The following CEP78 variants were observed in gnomAD, a reference collection of about 807,000 sequenced individuals.
CEP78 encodes centrosomal protein of 78 kDa.
Under a neutral mutation model 81.2 loss-of-function variants are expected in CEP78, and 76 were observed. That is an observed-to-expected ratio of 0.94 (90% CI 0.78 to 1.13). CEP78 has a LOEUF of 1.13. Ranked by LOEUF, CEP78 falls within the 50% of genes most tolerant of loss-of-function variation. CEP78 has a pLI of 0.00. For synonymous variants in CEP78, 293 were observed against 301.4 expected (o/e 0.97, Z 0.29); for missense variants, 918 against 846.8 (o/e 1.08, Z -1.04).
At chr9:78,240,400 G>C (rs1471282572) in intron 3 of CEP78, 36 bp downstream of exon 3, 1 of 1,514,910 alleles carries the variant, frequency 6.6e-7, no homozygotes, top group Non-Finnish European at 9.0e-7. Flanking sequence ...TGTCCTATCA[G>C]GCTGGTTTCA....
rs2118533866 is a variant in CEP78 at position 78,272,177 on chromosome 9, C to T, written c.*1326C>T. On this transcript the variant is annotated 3_prime_UTR_variant, in exon 17 of 17. Transcript: ENST00000643273. ...AGGTGATTCACCCACCTCGGCCTCC[C>T]AAAGTGCTGGGATTACAGGCATGAG... The T allele has an allele frequency of 6.6e-6, 1 of 152,444 alleles. No individual in the cohort carries two copies. The highest frequency in any genetic ancestry group is 1.9e-4 in the East Asian group (1 of 5,174). 9.4% of individuals were successfully genotyped at this position (152,444 alleles called of 1,614,324 possible).
At chr9:78,247,213 T>A (rs1425478884) in intron 6 of CEP78, among the ~76,000 whole-genome samples, 2 of 152,208 alleles carry the variant, frequency 1.3e-5, no homozygotes, top group Non-Finnish European at 2.9e-5. Flanking sequence ...TTATACGTAA[T>A]GTAATTTAGA....
chr9:78,245,943 G>GGAATTT (rs1211558128), intron 5 of CEP78, among the ~76,000 whole-genome samples: 1 of 151,948 alleles, frequency 6.6e-6, no homozygotes, highest in African/African-American at 2.4e-5. Context: ...AGAGTCACTT[G>GGAATTT]GAATTTGAAT....
At chr9:78,255,721 A>G (rs1393385740) in intron 11 of CEP78, among the ~76,000 whole-genome samples, 1 of 152,212 alleles carries the variant, frequency 6.6e-6, no homozygotes, top group Non-Finnish European at 1.5e-5. Flanking sequence ...TATTAGAGGG[A>G]AAAATCTATA....
At chr9:78,266,367 AT>A (rs1395574387) in intron 15 of CEP78, 74 bp from the exon 16 acceptor site, 1 of 1,086,742 alleles carries the variant, frequency 9.2e-7, no homozygotes, top group African/African-American at 1.6e-5. Context: ...ACAGAATAAC[AT>A]TGACGTTTTG....
rs1261390095 is a variant in CEP78 at position 78,237,881 on chromosome 9, G to T, written c.253+1278G>T. Among the ~76,000 whole-genome samples the T allele has an allele frequency of 3.3e-5, 5 of 150,662 alleles. No individual in the cohort carries two copies. In the Admixed American group the frequency reaches 3.3e-4, roughly 10 times the overall value. On this transcript the variant is annotated intron_variant, in intron 1 of 16. Transcript: ENST00000643273. The stretch of plus-strand genomic sequence containing the variant: ...CACTTTGGGAGGCCAAGGCGGGGGG[G>T]TGTGGATCACCTGAGGTCAGGAGTT...
At chr9:78,266,944 A>T (rs1335595650) in intron 16 of CEP78, 2 of 1,418,468 alleles carry the variant, frequency 1.4e-6, no homozygotes, top group Non-Finnish European at 1.8e-6. Context: ...TCTGAAAGTG[A>T]TACTCTTGGA....
At chr9:78,267,626 C>G (rs993699814) in intron 16 of CEP78, among the ~76,000 whole-genome samples, 1 of 152,082 alleles carries the variant, frequency 6.6e-6, no homozygotes, top group Non-Finnish European at 1.5e-5. Flanking sequence ...TCAACCAGAA[C>G]CCATACTTTA....
chr9:78,266,937 G>T (rs1053372636), intron 16 of CEP78: 1 of 1,422,948 alleles, frequency 7.0e-7, no homozygotes, highest in Non-Finnish European at 9.1e-7. Flanking sequence ...AGAACATTCT[G>T]AAAGTGATAC....
Position 78,253,271 on chromosome 9 carries a change from G to T in CEP78, c.1245G>T (p.Gln415His). 7.4e-7 allele frequency: 1 copy of T among 1,355,704 alleles called. No homozygotes were observed. The highest frequency in any genetic ancestry group is 1.0e-6 in the Non-Finnish European group (1 of 957,122). The allele number at this position is 1,355,704 out of a possible 1,614,324, so 84.0% of individuals were successfully genotyped here. A position where few individuals can be genotyped will look rare whatever the true frequency, so the allele number is the denominator to read the frequency against. Residue 415 changes from glutamine (Q) to histidine (H), a missense_variant, in exon 10 of 17, where the codon CAG (glutamine) becomes CAT (histidine). By Grantham distance (24) the Gln-to-His change is conservative (BLOSUM62 0). Transcript: ENST00000643273. The stretch of plus-strand genomic sequence containing the variant: ...TCAAAACACGTGATATATGTAATCA[G>T]TTGCAGGTACGTAGTTACCATGTTT... ...PLIKTRDICN[Q>H]LQQPGFPVTV...
At chr9:78,248,963 A>G (rs1412013600) in intron 8 of CEP78, 90 bp downstream of exon 8, 2 of 577,794 alleles carry the variant, frequency 3.5e-6, no homozygotes, top group Admixed American at 3.6e-5. Flanking sequence ...ATTGACAGTA[A>G]CAACCAATAT....
At chr9:78,268,422 T>C (rs888214910) in intron 16 of CEP78, among the ~76,000 whole-genome samples, 2 of 152,166 alleles carry the variant, frequency 1.3e-5, no homozygotes, top group Admixed American at 6.5e-5. Flanking sequence ...CCACGTTGCA[T>C]GGAGCTGGTT....
chr9:78,250,387 A>C, intron 8 of CEP78: 1 of 394,824 alleles, frequency 2.5e-6, no homozygotes. Context: ...AGAAGATAGG[A>C]AACTTTATAA....
chr9:78,260,458 A>G (rs969701642), intron 11 of CEP78, among the ~76,000 whole-genome samples: 4 of 152,200 alleles, frequency 2.6e-5, no homozygotes, highest in Admixed American at 6.5e-5. Context: ...CTGTAATCCC[A>G]GCACTTTGGG....
intron 14 of CEP78, 122 bp downstream of exon 14, chr9:78,265,665 G>T (rs1343923186): frequency 3.2e-6 from 3 of 950,726 alleles, no homozygotes; most frequent in Non-Finnish European, 4.7e-6. Flanking sequence ...CATCTTTGGG[G>T]TCCTTTCCAA....
intron 16 of CEP78, among the ~76,000 whole-genome samples, chr9:78,269,081 A>G (rs1411937684): frequency 6.6e-6 from 1 of 152,220 alleles, no homozygotes; most frequent in Admixed American, 6.5e-5. Context: ...CTTTTTTAAT[A>G]GGAGTGCCTA....
chr9:78,252,565 A>T (rs1330299695), intron 9 of CEP78, among the ~76,000 whole-genome samples: 1 of 152,222 alleles, frequency 6.6e-6, no homozygotes, highest in Non-Finnish European at 1.5e-5. Context: ...AAAGTCTTTT[A>T]AAAATGTTGT....
intron 1 of CEP78, among the ~76,000 whole-genome samples, chr9:78,237,983 G>A (rs1197524305): frequency 2.1e-5 from 3 of 144,894 alleles, no homozygotes. Context: ...AAATTAGCCG[G>A]GCGTGGTGGC....
rs995556630 is a variant in CEP78, at chr9:78,273,516, C to A, written c.*2665C>A. ...TGGGAGGCCGAGGTGGGTGGATCAC[C>A]TGAGGTCAGAAGTTCAAGACCAGCC... On this transcript the variant is annotated 3_prime_UTR_variant, in exon 17 of 17. Coordinates refer to ENST00000643273, the MANE Select transcript of CEP78 (RefSeq NM_001330691.3). 1.1e-4 allele frequency: 16 copies of A among 151,114 alleles called. No homozygotes were observed. The highest frequency in any genetic ancestry group is 3.9e-4 in the African/African-American group (16 of 40,990). The allele number at this position is 151,114 out of a possible 1,614,324, so 9.4% of individuals were successfully genotyped here. A position where few individuals can be genotyped will look rare whatever the true frequency, so the allele number is the denominator to read the frequency against.
Sources: allele counts gnomAD v4.1 joint callset (sites outside exome capture counted in the v4.1 genomes callset), GRCh38; gene constraint gnomAD v4.1.1; transcripts MANE v1.5; gene names NCBI Gene and HGNC (gene_info 2026-07-23, HGNC 2026-07-21).